Variants in GEMIN5 observed in about 807,000 individuals in gnomAD.
GEMIN5 encodes gem nuclear organelle associated protein 5.
Under a neutral mutation model 176.9 loss-of-function variants are expected in GEMIN5, and 124 were observed. The ratio of observed to expected loss-of-function variants is 0.70; its 90% confidence interval spans 0.61 to 0.81. The LOEUF (loss-of-function observed/expected upper bound fraction) is 0.81, where lower values mean the gene tolerates loss of function less well. Ranked by LOEUF, GEMIN5 falls within the 40% of genes least tolerant of loss-of-function variation. The pLI is 0.00. For synonymous variants in GEMIN5, 673 were observed against 665.2 expected (o/e 1.01, Z -0.18); for missense variants, 1,843 against 1,814.6 (o/e 1.02, Z -0.28).
Position 154,912,978 on chromosome 5 carries a change from G to A in GEMIN5, c.1916C>T (p.Thr639Met), listed in dbSNP as rs764526348. ...TEPYRTLSGH[T>M]AKITSVAWSP... ...CCACGCCACACTGGTAATCTTGGCC[G>A]TATGCCCTGAGAGGGTCCGGTAGGG... Residue 639 changes from threonine to methionine, a missense_variant, in exon 14 of 28, where the codon ACG becomes ATG. Thr to Met is a moderately conservative substitution (Grantham distance 81). Coordinates refer to ENST00000285873, the MANE Select transcript of GEMIN5 (RefSeq NM_015465.5). 18 of 1,613,202 alleles carry A rather than the reference G, an allele frequency of 1.1e-5. No homozygotes were observed. Among genetic ancestry groups the A allele is most frequent in the Non-Finnish European group, 1.4e-5 (17 of 1,179,308 alleles).
rs200155277 is a variant in GEMIN5, at chr5:154,927,440, G to A, written c.1025C>T (p.Pro342Leu). The A allele has an allele frequency of 6.3e-7, 1 of 1,595,690 alleles. No homozygotes were observed. The highest frequency in any genetic ancestry group is 1.1e-5 in the South Asian group (1 of 90,700). ...CTGTTTGTCATCCTCTGTTTGTAAA[G>A]GACATAAATTAAACACAATTCTTGA... The part of the protein sequence containing the change: ...NHSRIVFNLC[P>L]LQTEDDKQLL... Residue 342 changes from proline to leucine, a missense_variant, in exon 7 of 28, where the codon CCT (proline) becomes CTT (leucine). Pro to Leu is a moderately conservative substitution (Grantham distance 98). Coordinates refer to ENST00000285873, the MANE Select transcript of GEMIN5 (RefSeq NM_015465.5).
rs1180405935 is a variant in GEMIN5 at position 154,891,556 on chromosome 5, T to C, written c.3947A>G (p.Gln1316Arg). The C allele has an allele frequency of 1.2e-6, 2 of 1,614,194 alleles. No homozygotes were observed. The highest frequency in any genetic ancestry group is 1.7e-6 in the Non-Finnish European group (2 of 1,180,016). The change falls in exon 26 of 28, where the codon CAG (glutamine) becomes CGG (arginine). Residue 1316 changes from glutamine to arginine, a missense_variant. By Grantham distance (43) the Gln-to-Arg change is conservative (BLOSUM62 1). Coordinates refer to ENST00000285873, the MANE Select transcript of GEMIN5 (RefSeq NM_015465.5). Reference protein sequence around the residue: ...GHRTLSVEPSQQLDTASTEET... With the variant: ...GHRTLSVEPSRQLDTASTEET... The stretch of plus-strand genomic sequence containing the variant: ...TTCAGTGCTGGCAGTGTCTAACTGC[T>C]GGCTTGGCTCAACAGAGAGTGTTCT...
At chr5:154,896,364 A>G (rs956655313) in intron 23 of GEMIN5, 21 bp from the exon 24 acceptor site, 2 of 1,545,994 alleles carry the variant, frequency 1.3e-6, no homozygotes, top group Admixed American at 4.2e-5. Flanking sequence ...ACAACAAGGA[A>G]GAGGAACTGT....
chr5:154,911,989 A>C lies in GEMIN5; in HGVS notation c.1996-91T>G, dbSNP rs181064952. 36 of 1,211,326 alleles carry C rather than the reference A, an allele frequency of 3.0e-5. No homozygotes were observed. The Admixed American group carries it at 4.4e-4, about 15-fold the overall frequency. The allele number at this position is 1,211,326 out of a possible 1,614,324, so 75.0% of individuals were successfully genotyped here. On this transcript the variant is annotated intron_variant, in intron 14 of 27. Transcript: ENST00000285873. ...TTCTAATTAAAAACAAAAAACAAAA[A>C]ACAAAAACAATCTGCGGCCTCTTAT...
At chr5:154,935,245 T>A (rs1429853309) in intron 3 of GEMIN5, among the ~76,000 whole-genome samples, 1 of 152,244 alleles carries the variant, frequency 6.6e-6, no homozygotes, top group Non-Finnish European at 1.5e-5. Flanking sequence ...TCTTTGTGTA[T>A]CTCTATTGCC....
intron 13 of GEMIN5, among the ~76,000 whole-genome samples, chr5:154,914,489 T>C (rs943695729): frequency 1.3e-5 from 2 of 149,226 alleles, no homozygotes; most frequent in South Asian, 4.3e-4. Flanking sequence ...AGAATATGGG[T>C]GGCTGATTAC....
Position 154,916,403 on chromosome 5 carries a change from T to C in GEMIN5, c.1855+595A>G, listed in dbSNP as rs143168571. On this transcript the variant is annotated intron_variant, in intron 13 of 27. Transcript: ENST00000285873. ...TACTAACATGTATACATATGTAGGCTATGACTTTATAAAATCTAGAGAAAA... is the reference window on the plus strand; with the variant it reads ...TACTAACATGTATACATATGTAGGCCATGACTTTATAAAATCTAGAGAAAA... Among the ~76,000 whole-genome samples, 307 of 152,358 alleles carry C rather than the reference T, an allele frequency of 2.0e-3. 2 individuals carry two copies. The highest frequency in any genetic ancestry group is 7.1e-3 in the African/African-American group (297 of 41,584).
At chr5:154,895,634 A>C (rs1284471922) in intron 24 of GEMIN5, among the ~76,000 whole-genome samples, 2 of 152,074 alleles carry the variant, frequency 1.3e-5, no homozygotes, top group African/African-American at 4.8e-5. Context: ...CAAAGTAAAA[A>C]TGACAAAATG....
intron 5 of GEMIN5, among the ~76,000 whole-genome samples, chr5:154,928,898 G>A (rs1330268787): frequency 6.6e-6 from 1 of 151,888 alleles, no homozygotes; most frequent in Non-Finnish European, 1.5e-5. Context: ...GCTTCGACAG[G>A]CTATCTTGAC....
chr5:154,920,474 T>C (rs182202270), intron 10 of GEMIN5, among the ~76,000 whole-genome samples: 204 of 152,328 alleles, frequency 1.3e-3, no homozygotes, highest in African/African-American at 4.7e-3. Context: ...GGGAATTACA[T>C]AGCACAGTAG....
chr5:154,896,311 T>C lies in GEMIN5; in HGVS notation c.3378A>G (p.Leu1126=), dbSNP rs1377174411. ...GCTTTTCCTCCAGATGCCTGGACAG[T>C]AGCTCCAGAAGGCAAAACACCAATC... ...GQRLVFCLLE[L]LSRHLEEKQL... Residue 1126 remains leucine (L), a synonymous_variant, in exon 24 of 28, where the codon CTA becomes CTG. Coordinates refer to ENST00000285873, the MANE Select transcript of GEMIN5 (RefSeq NM_015465.5). The C allele has an allele frequency of 1.3e-6, 2 of 1,599,132 alleles. No homozygotes were observed. The highest frequency in any genetic ancestry group is 2.2e-5 in the East Asian group (1 of 44,668).
chr5:154,895,884 A>T (rs1315519783), intron 24 of GEMIN5, among the ~76,000 whole-genome samples: 1 of 152,122 alleles, frequency 6.6e-6, no homozygotes, highest in Non-Finnish European at 1.5e-5. Flanking sequence ...AAAAAACAAA[A>T]CAAAAAAGGG....
At chr5:154,928,419 G>T (rs1764089452) in intron 6 of GEMIN5, 108 bp downstream of exon 6, 4 of 918,524 alleles carry the variant, frequency 4.4e-6, no homozygotes, top group Non-Finnish European at 6.8e-6. Context: ...ATTTCAAATG[G>T]CCCATCATAA....
chr5:154,913,159 A>T, intron 13 of GEMIN5, 121 bp from the exon 14 acceptor site: 2 of 758,100 alleles, frequency 2.6e-6, no homozygotes, highest in Non-Finnish European at 4.0e-6. Context: ...TTTCTAGGTT[A>T]TTTTTTTTTT....
intron 20 of GEMIN5, among the ~76,000 whole-genome samples, chr5:154,901,857 T>C (rs573638234): frequency 1.3e-5 from 2 of 152,094 alleles, no homozygotes; most frequent in Admixed American, 1.3e-4. Flanking sequence ...TGGAGCGCAG[T>C]AGCACAATAA....
intron 11 of GEMIN5, among the ~76,000 whole-genome samples, chr5:154,919,285 T>C (rs928896453): frequency 1.3e-5 from 2 of 151,890 alleles, no homozygotes; most frequent in African/African-American, 4.8e-5. Context: ...TAAGCCAAGA[T>C]CACGCCACTG....
chr5:154,938,169 A>G lies in GEMIN5; in HGVS notation c.-36T>C. On this transcript the variant is annotated 5_prime_UTR_variant, in exon 1 of 28. Transcript: ENST00000285873. ...CGTCAGAGACAAGAGAAGCTGCCACAGCCGACCGCTCGTAGCCTCACGCCT... is the reference window on the plus strand; with the variant it reads ...CGTCAGAGACAAGAGAAGCTGCCACGGCCGACCGCTCGTAGCCTCACGCCT... The G allele has an allele frequency of 7.5e-7, 1 of 1,337,178 alleles. No individual in the cohort carries two copies. The allele number at this position is 1,337,178 out of a possible 1,614,324, so 82.8% of individuals were successfully genotyped here. A position where few individuals can be genotyped will look rare whatever the true frequency, so the allele number is the denominator to read the frequency against.
intron 18 of GEMIN5, among the ~76,000 whole-genome samples, chr5:154,903,670 T>A (rs1232056631): frequency 6.6e-6 from 1 of 151,830 alleles, no homozygotes; most frequent in East Asian, 1.9e-4. Context: ...GACAAAACAG[T>A]TCAAAAATTC....
In GEMIN5 at chr5:154,905,346, A is replaced by G. The variant is rs1445687489; in HGVS notation, c.2509+17T>C. On this transcript the variant is annotated intron_variant, in intron 17 of 27. Coordinates refer to ENST00000285873, the MANE Select transcript of GEMIN5 (RefSeq NM_015465.5). ...CTGCTTTAACAAAATACTGTATTTT[A>G]ATTACTAGATACCAACCTGGCTTCT... 8.1e-7 allele frequency: 1 copy of G among 1,233,426 alleles called. No homozygotes were observed. Among genetic ancestry groups the G allele is most frequent in the East Asian group, 2.3e-5 (1 of 42,942 alleles). The allele number at this position is 1,233,426 out of a possible 1,614,324, so 76.4% of individuals were successfully genotyped here. A position where few individuals can be genotyped will look rare whatever the true frequency, so the allele number is the denominator to read the frequency against.
Sources: allele counts gnomAD v4.1 joint callset (sites outside exome capture counted in the v4.1 genomes callset), GRCh38; gene constraint gnomAD v4.1.1; transcripts MANE v1.5; gene names NCBI Gene and HGNC (gene_info 2026-07-23, HGNC 2026-07-21).